The following BABAM2 variants were observed in gnomAD, a reference collection of about 807,000 sequenced individuals.
The protein encoded by BABAM2 is BRISC and BRCA1 A complex member 2.
Under a neutral mutation model 54.7 loss-of-function variants are expected in BABAM2, and 31 were observed. That is an observed-to-expected ratio of 0.57 (90% CI 0.43 to 0.77). The LOEUF is 0.77. Ranked by LOEUF, BABAM2 falls within the 30% of genes least tolerant of loss-of-function variation. The probability of loss-of-function intolerance (pLI) is 0.00; values close to 1 mark genes in which losing one functional copy is unlikely to be tolerated. For synonymous variants in BABAM2, 167 were observed against 162.9 expected (o/e 1.03, Z -0.19); for missense variants, 364 against 455.8 (o/e 0.80, Z 1.83).
intron 3 of BABAM2, among the ~76,000 whole-genome samples, chr2:27,985,721 C>T (rs764897974): frequency 5.3e-5 from 8 of 152,176 alleles, no homozygotes; most frequent in African/African-American, 9.6e-5. Flanking sequence ...CACCTTGTAC[C>T]GCTGTGTATT....
At chr2:28,185,051 G>A (rs1205500974) in intron 7 of BABAM2, among the ~76,000 whole-genome samples, 2 of 151,998 alleles carry the variant, frequency 1.3e-5, no homozygotes, top group Non-Finnish European at 2.9e-5. Context: ...GAATAAATAA[G>A]GCTATTTAAA....
At chr2:28,159,874 C>T (rs1041286680) in intron 7 of BABAM2, among the ~76,000 whole-genome samples, 24 of 150,648 alleles carry the variant, frequency 1.6e-4, no homozygotes, top group Non-Finnish European at 2.1e-4. Flanking sequence ...AAACTCCATC[C>T]CCGCCGGGAA....
intron 7 of BABAM2, among the ~76,000 whole-genome samples, chr2:28,200,398 A>G (rs1254821595): frequency 2.6e-5 from 4 of 152,234 alleles, no homozygotes; most frequent in African/African-American, 9.6e-5. Context: ...AATGTCATCT[A>G]TAAATATTAG....
chr2:28,218,084 C>A (rs541191783), intron 7 of BABAM2, among the ~76,000 whole-genome samples: 85 of 152,232 alleles, frequency 5.6e-4, no homozygotes, highest in African/African-American at 1.9e-3. Context: ...ACATTTTGCC[C>A]CATTTGCCTT....
intron 3 of BABAM2, among the ~76,000 whole-genome samples, chr2:27,932,173 A>G (rs1668143141): frequency 6.6e-6 from 1 of 152,294 alleles, no homozygotes; most frequent in South Asian, 2.1e-4. Flanking sequence ...CTCAGATTCT[A>G]TTCCTCTTTC....
chr2:28,217,764 A>G (rs1040520691), intron 7 of BABAM2, among the ~76,000 whole-genome samples: 2 of 152,202 alleles, frequency 1.3e-5, no homozygotes, highest in Non-Finnish European at 2.9e-5. Flanking sequence ...CTTGATGTTC[A>G]GTCTATAGGT....
At chr2:28,128,018 T>C (rs1433572536) in intron 6 of BABAM2, among the ~76,000 whole-genome samples, 1 of 152,114 alleles carries the variant, frequency 6.6e-6, no homozygotes, top group East Asian at 1.9e-4. Flanking sequence ...TTCACCGTGT[T>C]AGCCAGGATG....
chr2:27,965,865 ATTC>A (rs1355663773), intron 3 of BABAM2, among the ~76,000 whole-genome samples: 6 of 148,948 alleles, frequency 4.0e-5, no homozygotes, highest in African/African-American at 9.9e-5. Context: ...TTTTCTTCAT[ATTC>A]TTCTTCTCTT....
chr2:28,004,557 T>C (rs1444588264), intron 4 of BABAM2, among the ~76,000 whole-genome samples: 2 of 152,226 alleles, frequency 1.3e-5, no homozygotes, highest in Non-Finnish European at 2.9e-5. Flanking sequence ...TTATAGTATC[T>C]AAAATAGTCT....
At chr2:28,291,645 C>T (rs1455964288) in intron 10 of BABAM2, among the ~76,000 whole-genome samples, 2 of 151,886 alleles carry the variant, frequency 1.3e-5, no homozygotes, top group East Asian at 1.9e-4. Context: ...CATATCATAA[C>T]CAGCTTAAAC....
chr2:28,247,897 A>T (rs757530887), intron 10 of BABAM2, among the ~76,000 whole-genome samples: 2 of 152,186 alleles, frequency 1.3e-5, no homozygotes, highest in Non-Finnish European at 2.9e-5. Context: ...ATCTCTCAGG[A>T]GGTACTGCAA....
chr2:27,948,257 T>C (rs1218268765), intron 3 of BABAM2, among the ~76,000 whole-genome samples: 1 of 152,114 alleles, frequency 6.6e-6, no homozygotes, highest in East Asian at 1.9e-4. Flanking sequence ...TGCTGATATA[T>C]AGAGATACAG....
Position 27,988,027 on chromosome 2 carries a change from G to C in BABAM2, c.240G>C (p.Leu80=), listed in dbSNP as rs762526215. The C allele has an allele frequency of 2.5e-6, 4 of 1,613,568 alleles. No individual in the cohort carries two copies. Among genetic ancestry groups the C allele is most frequent in the Non-Finnish European group, 3.4e-6 (4 of 1,179,648 alleles). The part of the protein sequence containing the change: ...DIIFNAQYPE[L]PPDFIFGEDA... ...TTTTCAATGCCCAATACCCAGAACT[G>C]CCTCCCGATTTTATCTTTGGAGAAG... The change falls in exon 4 of 12, where the codon CTG becomes CTC. Residue 80 remains leucine, a synonymous_variant. Coordinates refer to ENST00000379624, the MANE Select transcript of BABAM2 (RefSeq NM_199191.3).
At chr2:28,331,644 G>A (rs961678440) in intron 11 of BABAM2, among the ~76,000 whole-genome samples, 3 of 152,112 alleles carry the variant, frequency 2.0e-5, no homozygotes, top group Non-Finnish European at 4.4e-5. Context: ...TCAGAATGGC[G>A]ATTATTAAAA....
intron 6 of BABAM2, among the ~76,000 whole-genome samples, chr2:28,117,673 T>A (rs1668722652): frequency 6.6e-6 from 1 of 152,204 alleles, no homozygotes; most frequent in Non-Finnish European, 1.5e-5. Context: ...CTGCAGAGAC[T>A]GGCCTACATT....
intron 7 of BABAM2, among the ~76,000 whole-genome samples, chr2:28,204,977 A>T (rs911065470): frequency 1.4e-5 from 2 of 140,078 alleles, no homozygotes; most frequent in Middle Eastern, 3.3e-3. Context: ...AACTTTGGTT[A>T]AAAAAAAAAA....
At chr2:27,944,974 G>C (rs1263282759) in intron 3 of BABAM2, among the ~76,000 whole-genome samples, 1 of 150,536 alleles carries the variant, frequency 6.6e-6, no homozygotes, top group Non-Finnish European at 1.5e-5. Context: ...GCCAACATTA[G>C]TATTGTTGAT....
chr2:28,095,809 C>T (rs1206853349), intron 6 of BABAM2, among the ~76,000 whole-genome samples: 1 of 152,086 alleles, frequency 6.6e-6, no homozygotes, highest in Non-Finnish European at 1.5e-5. Context: ...GTAGTATAAT[C>T]CTGGGTGTTG....
Position 28,338,561 on chromosome 2 carries a change from C to A in BABAM2, c.*48C>A. ...GCCAGCCAGACTGCCTGTCCACATG[C>A]GTGTCAGCACATACAGCCGCTTCCT... is the stretch of plus-strand genomic sequence containing the variant. On this transcript the variant is annotated 3_prime_UTR_variant, in exon 12 of 12. Transcript: ENST00000379624. 1 of 1,597,512 alleles carries A rather than the reference C, an allele frequency of 6.3e-7. No homozygotes were observed.
Sources: allele counts gnomAD v4.1 joint callset (sites outside exome capture counted in the v4.1 genomes callset), GRCh38; gene constraint gnomAD v4.1.1; transcripts MANE v1.5; gene names NCBI Gene and HGNC (gene_info 2026-07-23, HGNC 2026-07-21).